KCNJ10: variants seen among roughly 807,000 people sequenced by gnomAD.
KCNJ10 encodes the protein ATP-sensitive inward rectifier potassium channel 10.
In KCNJ10, 9 loss-of-function variants were observed where a neutral mutation model predicts 22.2. The ratio of observed to expected loss-of-function variants is 0.40; its 90% CI spans 0.24 to 0.71. The LOEUF (loss-of-function observed/expected upper bound fraction) is 0.71. Among genes scored for constraint, KCNJ10 ranks in the 30% least tolerant of loss-of-function variants. KCNJ10 has a pLI of 0.35. For synonymous variants in KCNJ10, 184 were observed against 187.3 expected, an observed-to-expected ratio of 0.98 and a Z score of 0.15; for missense variants, 337 against 482.7, an observed-to-expected ratio of 0.70 and a Z score of 2.83.
At chr1:160,054,675 T>C (rs1406411454) in intron 1 of KCNJ10, among the ~76,000 whole-genome samples, 4 of 152,238 alleles carry the variant, frequency 2.6e-5, no homozygotes, top group African/African-American at 9.6e-5. Context: ...CCTTCCTGTG[T>C]CAGCTCTGCC....
chr1:160,048,510 A>G (rs1222464380), intron 1 of KCNJ10, among the ~76,000 whole-genome samples: 2 of 152,198 alleles, frequency 1.3e-5, no homozygotes, highest in African/African-American at 4.8e-5. Context: ...ACCCCCTCCC[A>G]GGGGCAGCAG....
intron 1 of KCNJ10, among the ~76,000 whole-genome samples, chr1:160,050,139 T>C (rs1367443855): frequency 6.6e-6 from 1 of 152,088 alleles, no homozygotes; most frequent in Non-Finnish European, 1.5e-5. Flanking sequence ...ATAAACACTT[T>C]GTTATTGTTA....
Position 160,042,355 on chromosome 1 carries a change from T to G in KCNJ10, c.178A>C (p.Ile60Leu). The change falls in exon 2 of 2, where the codon ATT becomes CTT. Residue 60 changes from isoleucine (I) to leucine (L), a missense_variant. Coordinates refer to ENST00000644903, the MANE Select transcript of KCNJ10 (RefSeq NM_002241.5). ...LYLKDLWTTFIDMQWRYKLLL... is the reference protein window; with the variant it reads ...LYLKDLWTTFLDMQWRYKLLL... ...AGCTTGTAGCGCCACTGCATGTCAA[T>G]GAAGGTTGTCCACAGGTCCTTGAGG... The G allele has an allele frequency of 6.2e-7, 1 of 1,613,344 alleles. No individual in the cohort carries two copies. Among genetic ancestry groups the G allele is most frequent in the South Asian group, 1.1e-5 (1 of 91,068 alleles).
rs775796869 is a variant in KCNJ10, at chr1:160,040,219, T to A, written c.*1174A>T. Reference sequence around the variant, plus strand: ...GCTGCCAGCCACAGAGTTCTGCTCCTGCCCAAACCTTAACAAAGCATCACC... The same window carrying A: ...GCTGCCAGCCACAGAGTTCTGCTCCAGCCCAAACCTTAACAAAGCATCACC... On this transcript the variant is annotated 3_prime_UTR_variant, in exon 2 of 2. Transcript: ENST00000644903. 1.4e-5 allele frequency: 4 copies of A among 278,066 alleles called. No individual in the cohort carries two copies. Among genetic ancestry groups the A allele is most frequent in the Middle Eastern group, 9.7e-4 (1 of 1,036 alleles). 17.2% of individuals were successfully genotyped at this position (278,066 alleles called of 1,614,324 possible). A position where few individuals can be genotyped will look rare whatever the true frequency, so the allele number is the denominator to read the frequency against.
At chr1:160,053,263 G>T (rs1186689) in intron 1 of KCNJ10, among the ~76,000 whole-genome samples, 73,851 of 152,056 alleles carry the variant, frequency 0.49, 18,154 homozygotes, top group African/African-American at 0.52. Flanking sequence ...CATATTATCT[G>T]TTTTTGGATA....
In KCNJ10 at chr1:160,042,249, T is replaced by G. The variant is rs1281903569; in HGVS notation, c.284A>C (p.Asp95Ala). ...VWYLVAVAHG[D>A]LLELDPPANH... is the part of the protein sequence containing the mutation. ...GGCCGGGGGGTCCAGCTCCAGCAGG[T>G]CCCCATGTGCCACAGCTACCAGATA... The change falls in exon 2 of 2, where the codon GAC becomes GCC. Residue 95 changes from aspartate (D) to alanine (A), a missense_variant. Coordinates refer to ENST00000644903, the MANE Select transcript of KCNJ10 (RefSeq NM_002241.5). 2.5e-6 allele frequency: 4 copies of G among 1,613,836 alleles called. No individual in the cohort carries two copies. Among genetic ancestry groups the G allele is most frequent in the Non-Finnish European group, 2.5e-6 (3 of 1,179,884 alleles).
chr1:160,055,911 A>G (rs1040351657), intron 1 of KCNJ10, among the ~76,000 whole-genome samples: 2 of 152,144 alleles, frequency 1.3e-5, no homozygotes, highest in African/African-American at 4.8e-5. Context: ...CTGGGTGTCC[A>G]AGTACTTACA....
At position 160,042,419 on chromosome 1, in the gene KCNJ10, G is replaced by A. The variant is rs151068619; in HGVS notation, c.114C>T (p.Asn38=). Residue 38 remains asparagine, a synonymous_variant, in exon 2 of 2, where the codon AAC becomes AAT. Coordinates refer to ENST00000644903, the MANE Select transcript of KCNJ10 (RefSeq NM_002241.5). ...RRVLTKDGRS[N]VRMEHIADKR... ...TGTCGGCAATGTGCTCCATTCTCACGTTGCTGCGACCATCTTTTGTCAGGA... is the reference window on the plus strand; with the variant it reads ...TGTCGGCAATGTGCTCCATTCTCACATTGCTGCGACCATCTTTTGTCAGGA... The A allele has an allele frequency of 5.6e-5, 91 of 1,614,200 alleles. No homozygotes were observed. Among genetic ancestry groups the A allele is most frequent in the Admixed American group, 1.7e-4 (10 of 60,034 alleles).
At chr1:160,056,886 A>G (rs1649054309) in intron 1 of KCNJ10, among the ~76,000 whole-genome samples, 1 of 152,200 alleles carries the variant, frequency 6.6e-6, no homozygotes, top group Non-Finnish European at 1.5e-5. Flanking sequence ...GAGCCTCAGA[A>G]TCATCCTCAA....
chr1:160,059,254 A>G (rs1649125250), intron 1 of KCNJ10, among the ~76,000 whole-genome samples: 1 of 152,208 alleles, frequency 6.6e-6, no homozygotes, highest in African/African-American at 2.4e-5. Flanking sequence ...GTCACAGAGT[A>G]TTCATGCTGG....
At chr1:160,049,372 G>C (rs1204844562) in intron 1 of KCNJ10, among the ~76,000 whole-genome samples, 3 of 151,898 alleles carry the variant, frequency 2.0e-5, no homozygotes, top group Admixed American at 6.6e-5. Flanking sequence ...CCTGCTCCCT[G>C]CTGTGCACTC....
chr1:160,055,384 C>G (rs1649004918), intron 1 of KCNJ10, among the ~76,000 whole-genome samples: 1 of 152,156 alleles, frequency 6.6e-6, no homozygotes, highest in South Asian at 2.1e-4. Context: ...GGTGTCTTCT[C>G]AGCCCTTGAC....
At chr1:160,043,132 A>G (rs1013813287) in intron 1 of KCNJ10, among the ~76,000 whole-genome samples, 5 of 152,098 alleles carry the variant, frequency 3.3e-5, no homozygotes, top group Non-Finnish European at 7.4e-5. Context: ...GGTGAGGGTG[A>G]GACTAATGAG....
chr1:160,043,768 A>T (rs912682373), intron 1 of KCNJ10, among the ~76,000 whole-genome samples: 1 of 152,256 alleles, frequency 6.6e-6, no homozygotes, highest in Non-Finnish European at 1.5e-5. Context: ...CTGATAGCAG[A>T]AAGTGGGGCA....
At chr1:160,057,935 G>A (rs1048788701) in intron 1 of KCNJ10, among the ~76,000 whole-genome samples, 4 of 151,966 alleles carry the variant, frequency 2.6e-5, no homozygotes, top group Non-Finnish European at 5.9e-5. Flanking sequence ...GTGGCGGGTA[G>A]GGGAGGCAGA....
chr1:160,047,884 G>C (rs889803946), intron 1 of KCNJ10, among the ~76,000 whole-genome samples: 5 of 152,232 alleles, frequency 3.3e-5, no homozygotes, highest in Non-Finnish European at 7.3e-5. Context: ...GGCACTATAG[G>C]CATGTGCCAC....
rs185898090 is a variant in KCNJ10 at position 160,043,350 on chromosome 1, G to A, written c.1-818C>T. 1.1e-4 allele frequency among the ~76,000 whole-genome samples: 17 copies of A among 148,104 alleles called. No individual in the cohort carries two copies. The East Asian group carries it at 2.6e-3, about 23-fold the overall frequency. ...TCTTCATTCTCTGCTCTACCCCCAA[G>A]CCAATACCCACTGGTGATACTAAGA... is the stretch of plus-strand genomic sequence containing the variant. On this transcript the variant is annotated intron_variant, in intron 1 of 1. Transcript: ENST00000644903.
chr1:160,043,261 A>AT (rs1648655181), intron 1 of KCNJ10, among the ~76,000 whole-genome samples: 1 of 107,608 alleles, frequency 9.3e-6, no homozygotes, highest in Non-Finnish European at 1.9e-5. Flanking sequence ...TTCCAGGCCA[A>AT]TCCCCCTTAA....
At chr1:160,061,009 G>C (rs1187704257) in intron 1 of KCNJ10, among the ~76,000 whole-genome samples, 1 of 152,138 alleles carries the variant, frequency 6.6e-6, no homozygotes, top group African/African-American at 2.4e-5. Context: ...GGTAGTGCAA[G>C]GGTCAAAGTG....
Sources: gnomAD v4.1 joint callset for allele counts (sites outside exome capture counted in the v4.1 genomes callset) on GRCh38, gnomAD v4.1.1 for gene constraint, MANE v1.5 for transcripts, NCBI Gene and HGNC (gene_info 2026-07-23, HGNC 2026-07-21) for gene names.